Variants in TRIM2 observed in about 807,000 individuals in gnomAD.
TRIM2 encodes the protein tripartite motif-containing protein 2.
Under a neutral mutation model 75.2 loss-of-function variants are expected in TRIM2, and 20 were observed. The observed-to-expected ratio is 0.27, with a 90% confidence interval of 0.19 to 0.39. The LOEUF (loss-of-function observed/expected upper bound fraction) is 0.39, where lower values mean the gene tolerates loss of function less well. Ranked by LOEUF, TRIM2 falls within the 10% of genes least tolerant of loss-of-function variation. The pLI is 1.00. For missense variants in TRIM2, 660 were observed against 990.8 expected (o/e 0.67, Z 4.48); for synonymous variants, 373 against 388.3 (o/e 0.96, Z 0.46).
At chr4:153,172,251 T>G (rs891319769) in intron 1 of TRIM2, among the ~76,000 whole-genome samples, 2 of 152,048 alleles carry the variant, frequency 1.3e-5, no homozygotes, top group South Asian at 2.1e-4. Context: ...GCAGTGGTGC[T>G]ATCTTGGCTC....
intron 1 of TRIM2, among the ~76,000 whole-genome samples, chr4:153,175,492 A>C (rs1273779183): frequency 6.7e-6 from 1 of 150,230 alleles, no homozygotes; most frequent in Non-Finnish European, 1.5e-5. Context: ...CAGCGGGGGG[A>C]GGGGGTGCAT....
rs117265433 is a variant in TRIM2 at position 153,221,724 on chromosome 4, G to A, written c.30+17164G>A. 8.4e-4 allele frequency among the ~76,000 whole-genome samples: 123 copies of A among 146,600 alleles called. 1 individual carries two copies. The East Asian group carries it at 0.024, about 28-fold the overall frequency. ...GGAAGGAAGGAAGGAAAGAAGAAAA[G>A]AAGGAAGGAAAGAGTGAGGAAGGGA... On this transcript the variant is annotated intron_variant, in intron 1 of 11. Coordinates refer to ENST00000338700, the MANE Select transcript of TRIM2 (RefSeq NM_015271.5).
chr4:153,305,511 A>G (rs1375043844), intron 6 of TRIM2, among the ~76,000 whole-genome samples: 1 of 152,204 alleles, frequency 6.6e-6, no homozygotes, highest in African/African-American at 2.4e-5. Flanking sequence ...GGTAATTTAT[A>G]AAGGAAATAA....
intron 1 of TRIM2, among the ~76,000 whole-genome samples, chr4:153,184,459 C>T (rs1271550459): frequency 6.6e-5 from 10 of 152,136 alleles, no homozygotes; most frequent in Non-Finnish European, 4.4e-5. Context: ...TTAGAGGCCT[C>T]ATATCCAAAT....
intron 1 of TRIM2, among the ~76,000 whole-genome samples, chr4:153,231,710 C>T (rs550031992): frequency 3.3e-5 from 5 of 152,276 alleles, no homozygotes; most frequent in South Asian, 2.1e-4. Context: ...TCCTAGCATC[C>T]GGCTGTCCCA....
intron 1 of TRIM2, among the ~76,000 whole-genome samples, chr4:153,264,036 C>T (rs142637337): frequency 7.9e-5 from 12 of 152,238 alleles, no homozygotes; most frequent in African/African-American, 1.7e-4. Context: ...ACCCGTGCTA[C>T]GGAGAAAAAC....
chr4:153,203,891 CAATAAATAAATA>C (rs56292904), upstream of TRIM2, among the ~76,000 whole-genome samples: 7 of 151,100 alleles, frequency 4.6e-5, no homozygotes, highest in Admixed American at 3.3e-4. Flanking sequence ...GACTCCATCT[CAATAAATAAATA>C]AATAAATAAA....
In TRIM2 at chr4:153,175,012, G is replaced by GT. The variant is rs759775802; in HGVS notation, c.-49+21746dup. Reference sequence around the variant, plus strand: ...GTTGTTGTTGTTTTGTTTTTGTTTTGTTTTGTTTTTTTTTGAGACAGAGTT... The same window carrying GT: ...GTTGTTGTTGTTTTGTTTTTGTTTTGTTTTTGTTTTTTTTTGAGACAGAGTT... On this transcript the variant is annotated intron_variant, in intron 1 of 11. Coordinates refer to the TRIM2 transcript ENST00000437508. 6.9e-3 allele frequency among the ~76,000 whole-genome samples: 1,031 copies of GT among 149,302 alleles called. 17 individuals carry two copies. Among genetic ancestry groups the GT allele is most frequent in the African/African-American group, 0.024 (970 of 40,732 alleles).
chr4:153,280,924 T>C (rs1759192103), intron 3 of TRIM2, among the ~76,000 whole-genome samples: 1 of 152,150 alleles, frequency 6.6e-6, no homozygotes, highest in African/African-American at 2.4e-5. Context: ...GACCTCGTGA[T>C]CTGCCCGCCT....
At position 153,275,959 on chromosome 4, in the gene TRIM2, C is replaced by T. The variant is rs1190110289; in HGVS notation, c.282C>T (p.Ser94=). 3.1e-6 allele frequency: 5 copies of T among 1,614,088 alleles called. No homozygotes were observed. The highest frequency in any genetic ancestry group is 4.2e-6 in the Non-Finnish European group (5 of 1,180,044). ...TLSCPVCRQT[S]ILPEKGVAAL... is the part of the protein sequence containing the mutation. Reference sequence around the variant, plus strand: ...CCTGCCCAGTGTGCCGCCAGACCTCCATCCTGCCCGAGAAAGGGGTGGCCG... The same window carrying T: ...CCTGCCCAGTGTGCCGCCAGACCTCTATCCTGCCCGAGAAAGGGGTGGCCG... Residue 94 remains serine, a synonymous_variant, in exon 3 of 12, where the codon TCC becomes TCT. Coordinates refer to ENST00000338700, the MANE Select transcript of TRIM2 (RefSeq NM_015271.5).
At chr4:153,244,703 G>A (rs570404482) in intron 1 of TRIM2, among the ~76,000 whole-genome samples, 107 of 152,122 alleles carry the variant, frequency 7.0e-4, no homozygotes, top group Non-Finnish European at 4.4e-4. Context: ...TATTATTAGA[G>A]AAAGAATTTC....
intron 8 of TRIM2, among the ~76,000 whole-genome samples, chr4:153,317,662 A>G (rs1231726205): frequency 6.6e-6 from 1 of 151,822 alleles, no homozygotes; most frequent in Non-Finnish European, 1.5e-5. Flanking sequence ...AAAGAAAAAA[A>G]AAAAAAAAGA....
chr4:153,207,662 G>A (rs957335964), intron 1 of TRIM2, among the ~76,000 whole-genome samples: 7 of 152,178 alleles, frequency 4.6e-5, no homozygotes, highest in African/African-American at 1.7e-4. Flanking sequence ...CTGATTTACT[G>A]GTGACATTGG....
rs576380608 is a variant in TRIM2 at position 153,335,131 on chromosome 4, C to A, written c.*165C>A. On this transcript the variant is annotated 3_prime_UTR_variant, in exon 12 of 12. Coordinates refer to ENST00000338700, the MANE Select transcript of TRIM2 (RefSeq NM_015271.5). ...AACAATTTCCTTAAAAATGACTTAT[C>A]CAATTTCTGTATTTCACCTTTAGGG... 1.7e-4 allele frequency: 217 copies of A among 1,289,420 alleles called. 1 individual carries two copies. In the African/African-American group the frequency reaches 3.0e-3, roughly 18 times the overall value. The allele number at this position is 1,289,420 out of a possible 1,614,324, so 79.9% of individuals were successfully genotyped here.
intron 1 of TRIM2, among the ~76,000 whole-genome samples, chr4:153,161,568 A>G (rs559050153): frequency 6.6e-6 from 1 of 152,354 alleles, no homozygotes; most frequent in East Asian, 1.9e-4. Context: ...GACATGATGC[A>G]CAGCAGAATC....
chr4:153,206,870 G>A (rs1174469673), intron 1 of TRIM2, among the ~76,000 whole-genome samples: 2 of 152,118 alleles, frequency 1.3e-5, no homozygotes, highest in East Asian at 1.9e-4. Context: ...TACATTCCAA[G>A]GGGTTTTCTT....
At chr4:153,282,348 A>T (rs1367866513) in intron 3 of TRIM2, among the ~76,000 whole-genome samples, 2 of 152,242 alleles carry the variant, frequency 1.3e-5, no homozygotes, top group Non-Finnish European at 2.9e-5. Flanking sequence ...ATATTGAACT[A>T]GGAATAATAA....
intron 1 of TRIM2, among the ~76,000 whole-genome samples, chr4:153,215,424 T>C (rs4311294): frequency 1.3e-5 from 2 of 151,924 alleles, no homozygotes; most frequent in Admixed American, 1.3e-4. Flanking sequence ...TGGTGCCGTT[T>C]TGCTAGAGTC....
At chr4:153,236,179 G>A (rs1373881383) in intron 1 of TRIM2, among the ~76,000 whole-genome samples, 3 of 152,098 alleles carry the variant, frequency 2.0e-5, no homozygotes, top group Non-Finnish European at 4.4e-5. Flanking sequence ...CAGTCCTGCA[G>A]AACTGTGAGT....
Sources: gnomAD v4.1 joint callset for allele counts (sites outside exome capture counted in the v4.1 genomes callset) on GRCh38, gnomAD v4.1.1 for gene constraint, MANE v1.5 for transcripts, NCBI Gene and HGNC (gene_info 2026-07-23, HGNC 2026-07-21) for gene names.